MCU: variants seen among roughly 807,000 people sequenced by gnomAD.
MCU encodes calcium uniporter protein, mitochondrial.
Under a neutral mutation model 45.2 loss-of-function variants are expected in MCU, and 12 were observed. That is an observed-to-expected ratio of 0.27 (90% CI 0.17 to 0.43). MCU has a LOEUF of 0.43. Ranked by LOEUF, MCU falls within the 20% of genes least tolerant of loss-of-function variation. The probability of loss-of-function intolerance (pLI) is 1.00; values close to 1 mark genes in which losing one functional copy is unlikely to be tolerated. For missense variants in MCU, 324 were observed against 436.7 expected (o/e 0.74, Z 2.30); for synonymous variants, 160 against 165.1 (o/e 0.97, Z 0.24).
At chr10:72,851,905 G>A (rs1179128728) in intron 2 of MCU, among the ~76,000 whole-genome samples, 1 of 152,122 alleles carries the variant, frequency 6.6e-6, no homozygotes, top group African/African-American at 2.4e-5. Context: ...AATGACCAAG[G>A]GCAGTTTGGA....
At chr10:72,856,936 C>CAAA (rs71021541) in intron 2 of MCU, among the ~76,000 whole-genome samples, 2 of 79,680 alleles carry the variant, frequency 2.5e-5, no homozygotes, top group Non-Finnish European at 4.9e-5. Context: ...CAAGATGTCT[C>CAAA]AAAAAAAAAA....
At chr10:72,727,521 G>T (rs1003670642) in intron 1 of MCU, among the ~76,000 whole-genome samples, 25 of 152,100 alleles carry the variant, frequency 1.6e-4, no homozygotes, top group African/African-American at 5.6e-4. Flanking sequence ...TGTCTTTTCA[G>T]TACTCCAATC....
At chr10:72,854,024 T>C (rs192586935) in intron 2 of MCU, among the ~76,000 whole-genome samples, 100 of 152,000 alleles carry the variant, frequency 6.6e-4, no homozygotes, top group Non-Finnish European at 1.3e-3. Flanking sequence ...ATCCCAGCTA[T>C]TGGGGAGGCT....
At chr10:72,818,655 C>T (rs1188787409) in intron 1 of MCU, among the ~76,000 whole-genome samples, 1 of 151,958 alleles carries the variant, frequency 6.6e-6, no homozygotes, top group Non-Finnish European at 1.5e-5. Context: ...GCCTGGCCAA[C>T]GTGGTGAAAA....
At chr10:72,794,631 C>T (rs1176314812) in intron 1 of MCU, among the ~76,000 whole-genome samples, 1 of 152,194 alleles carries the variant, frequency 6.6e-6, no homozygotes, top group African/African-American at 2.4e-5. Flanking sequence ...TTTTAAATCT[C>T]TGAATTTCTT....
chr10:72,839,585 A>C (rs1427131170), intron 2 of MCU, among the ~76,000 whole-genome samples: 1 of 152,006 alleles, frequency 6.6e-6, no homozygotes, highest in Non-Finnish European at 1.5e-5. Flanking sequence ...ATTCCGGTAT[A>C]TGGAAATATC....
chr10:72,774,918 C>A (rs1390466675), intron 1 of MCU, among the ~76,000 whole-genome samples: 1 of 151,976 alleles, frequency 6.6e-6, no homozygotes, highest in African/African-American at 2.4e-5. Context: ...GTTAGTAGAT[C>A]TAAAGGGAAA....
chr10:72,849,065 G>C (rs2132854424), intron 2 of MCU, among the ~76,000 whole-genome samples: 1 of 152,116 alleles, frequency 6.6e-6, no homozygotes, highest in Admixed American at 6.5e-5. Flanking sequence ...TGGATCACGA[G>C]GTCAGGCATT....
In MCU at chr10:72,799,503, A is replaced by G. The variant is rs1844305224; in HGVS notation, c.151-34856A>G. Reference sequence around the variant, plus strand: ...AATATATAACATTTTTTTTTTTTTAAACAAGATGCGGTCTCACTATGTTGC... The same window carrying G: ...AATATATAACATTTTTTTTTTTTTAGACAAGATGCGGTCTCACTATGTTGC... On this transcript the variant is annotated intron_variant, in intron 1 of 7. Transcript: ENST00000373053. Among the ~76,000 whole-genome samples the G allele has an allele frequency of 2.0e-5, 3 of 151,542 alleles. No individual in the cohort carries two copies. In the South Asian group the frequency reaches 6.2e-4, roughly 31 times the overall value.
At position 72,692,438 on chromosome 10, in the gene MCU, A is replaced by G. The variant is rs1477691533; in HGVS notation, c.150+137A>G. On this transcript the variant is annotated intron_variant, in intron 1 of 7. Transcript: ENST00000373053. Reference sequence around the variant, plus strand: ...CTCCGGAGGTTGCCGGGCACCGAGGAGCCGCCGTGCCCTTCAGGCGCCTGC... The same window carrying G: ...CTCCGGAGGTTGCCGGGCACCGAGGGGCCGCCGTGCCCTTCAGGCGCCTGC... The G allele has an allele frequency of 5.4e-6, 4 of 738,634 alleles. No individual in the cohort carries two copies. In the African/African-American group the frequency reaches 6.5e-5, roughly 12 times the overall value. The allele number at this position is 738,634 out of a possible 1,614,324, so 45.8% of individuals were successfully genotyped here.
At chr10:72,867,958 AG>A (rs1365098200) in intron 4 of MCU, among the ~76,000 whole-genome samples, 1 of 151,992 alleles carries the variant, frequency 6.6e-6, no homozygotes, top group Non-Finnish European at 1.5e-5. Context: ...GCACTTACTA[AG>A]GGGGAAAAAA....
At chr10:72,692,871 C>T (rs1842641343) in intron 1 of MCU, 2 of 1,444,336 alleles carry the variant, frequency 1.4e-6, no homozygotes, top group African/African-American at 2.9e-5. Flanking sequence ...TTATTCCCCT[C>T]TGTGACTTCC....
intron 1 of MCU, among the ~76,000 whole-genome samples, chr10:72,769,461 T>G (rs1218082998): frequency 6.6e-6 from 1 of 152,186 alleles, no homozygotes; most frequent in Admixed American, 6.5e-5. Context: ...CATTTTTGTT[T>G]GTTTTTTGAG....
chr10:72,746,473 A>G (rs1843416499), intron 1 of MCU, among the ~76,000 whole-genome samples: 1 of 152,216 alleles, frequency 6.6e-6, no homozygotes, highest in South Asian at 2.1e-4. Context: ...GATAAATCTG[A>G]CTTAAATGCT....
At chr10:72,766,070 G>C (rs1255434152) in intron 1 of MCU, among the ~76,000 whole-genome samples, 1 of 152,044 alleles carries the variant, frequency 6.6e-6, no homozygotes, top group South Asian at 2.1e-4. Context: ...GGGTCTCACT[G>C]TTTTGCGGGC....
intron 7 of MCU, 46 bp downstream of exon 7, chr10:72,884,428 G>GGTT: frequency 9.3e-7 from 1 of 1,073,382 alleles, no homozygotes; most frequent in South Asian, 1.3e-5. Flanking sequence ...TATCTTGCAT[G>GGTT]GTTATTATTA....
chr10:72,783,464 C>T (rs1391867434), intron 1 of MCU, among the ~76,000 whole-genome samples: 1 of 150,886 alleles, frequency 6.6e-6, no homozygotes, highest in Non-Finnish European at 1.5e-5. Context: ...TTTGCATATG[C>T]CATGTGCCAC....
chr10:72,835,682 A>G (rs1051212628), intron 2 of MCU, among the ~76,000 whole-genome samples: 4 of 152,254 alleles, frequency 2.6e-5, no homozygotes, highest in African/African-American at 9.6e-5. Context: ...CATTTGTAAT[A>G]TGGAAAGGTT....
At chr10:72,732,447 A>G (rs1843189106) in intron 1 of MCU, among the ~76,000 whole-genome samples, 1 of 152,232 alleles carries the variant, frequency 6.6e-6, no homozygotes, top group African/African-American at 2.4e-5. Flanking sequence ...AAGAGATTAA[A>G]CTATAATTCT....
Sources: allele counts gnomAD v4.1 joint callset (sites outside exome capture counted in the v4.1 genomes callset), GRCh38; gene constraint gnomAD v4.1.1; transcripts MANE v1.5; gene names NCBI Gene and HGNC (gene_info 2026-07-23, HGNC 2026-07-21).